RAD51B: variants seen among roughly 807,000 people sequenced by gnomAD.
The protein encoded by RAD51B is DNA repair protein RAD51 homolog 2.
In RAD51B, 38 loss-of-function variants were observed where a neutral mutation model predicts 42.2. The observed-to-expected ratio is 0.90, with a 90% CI of 0.70 to 1.18. The LOEUF is 1.18. RAD51B is among the 50% of genes most tolerant of loss of function. The probability of loss-of-function intolerance (pLI) is 0.00; values close to 1 mark genes in which losing one functional copy is unlikely to be tolerated. For synonymous variants in RAD51B, 154 were observed against 145.2 expected (o/e 1.06, Z -0.43); for missense variants, 373 against 400.7 (o/e 0.93, Z 0.59).
chr14:68,264,587 A>G (rs1464595620), intron 7 of RAD51B, among the ~76,000 whole-genome samples: 1 of 152,190 alleles, frequency 6.6e-6, no homozygotes, highest in Non-Finnish European at 1.5e-5. Context: ...TTAGTTTTTT[A>G]GAGGCTAGGA....
chr14:68,013,866 T>C (rs1022455416), intron 7 of RAD51B, among the ~76,000 whole-genome samples: 14 of 152,118 alleles, frequency 9.2e-5, no homozygotes, highest in Non-Finnish European at 1.6e-4. Context: ...TTCTTAGAAT[T>C]GGGATGTGAT....
chr14:68,548,516 G>A (rs967350701), intron 10 of RAD51B, among the ~76,000 whole-genome samples: 1 of 152,212 alleles, frequency 6.6e-6, no homozygotes, highest in Non-Finnish European at 1.5e-5. Context: ...AGCTGGTTCC[G>A]AGATGGCTCT....
chr14:68,434,503 A>G (rs1465003799), intron 9 of RAD51B, among the ~76,000 whole-genome samples: 4 of 152,202 alleles, frequency 2.6e-5, no homozygotes. Context: ...CTGTTGTGCT[A>G]GCAATGAGCG....
At chr14:68,023,116 A>G (rs566729918) in intron 7 of RAD51B, among the ~76,000 whole-genome samples, 13 of 152,190 alleles carry the variant, frequency 8.5e-5, no homozygotes, top group Non-Finnish European at 1.8e-4. Context: ...TGCAGTGAAC[A>G]TACATGTGCA....
At chr14:68,600,140 C>T (rs542786359), downstream of RAD51B, among the ~76,000 whole-genome samples, 1 of 152,310 alleles carries the variant, frequency 6.6e-6, no homozygotes, top group Admixed American at 6.5e-5. Flanking sequence ...CATTAAGCAG[C>T]GGCCCTCTGA....
intron 7 of RAD51B, among the ~76,000 whole-genome samples, chr14:68,016,752 C>T (rs1186249558): frequency 1.3e-5 from 2 of 152,088 alleles, no homozygotes; most frequent in African/African-American, 4.8e-5. Context: ...TTGGAAAAAG[C>T]ACAAAGATGT....
chr14:68,545,308 G>A (rs138870849), intron 10 of RAD51B, among the ~76,000 whole-genome samples: 1 of 152,252 alleles, frequency 6.6e-6, no homozygotes, highest in Admixed American at 6.5e-5. Context: ...CCACTTGGCA[G>A]TGGATATCTT....
chr14:67,878,155 A>G (rs2042788353), intron 5 of RAD51B, among the ~76,000 whole-genome samples: 1 of 152,230 alleles, frequency 6.6e-6, no homozygotes, highest in Non-Finnish European at 1.5e-5. Context: ...AAATTTTTGT[A>G]TAAACTGCCA....
At chr14:68,090,749 G>A (rs1410994494) in intron 7 of RAD51B, among the ~76,000 whole-genome samples, 4 of 150,568 alleles carry the variant, frequency 2.7e-5, no homozygotes, top group South Asian at 2.1e-4. Context: ...TGTGCACAAC[G>A]TGCAGGTTTG....
chr14:67,859,313 A>G (rs1367393738), intron 4 of RAD51B, among the ~76,000 whole-genome samples: 1 of 152,248 alleles, frequency 6.6e-6, no homozygotes, highest in African/African-American at 2.4e-5. Flanking sequence ...CAAAGAAACT[A>G]AATTGTGTGC....
At chr14:68,434,621 G>C (rs145781801) in intron 9 of RAD51B, among the ~76,000 whole-genome samples, 28 of 152,296 alleles carry the variant, frequency 1.8e-4, no homozygotes, top group African/African-American at 6.3e-4. Context: ...AGAGTGACCT[G>C]ATTTTCCAGG....
rs2256860 is a variant in RAD51B, at chr14:68,590,995, G to A, written c.1037-3490G>A. 5.3e-5 allele frequency among the ~76,000 whole-genome samples: 8 copies of A among 152,182 alleles called. No individual in the cohort carries two copies. In the South Asian group the frequency reaches 6.2e-4, roughly 12 times the overall value. On this transcript the variant is annotated intron_variant, in intron 10 of 10. Transcript: ENST00000487270. Reference sequence around the variant, plus strand: ...GCCATGGACCCCTCCCCTCCCCTCCGGTTCCTGCCCTGCCCAACCTCATTC... The same window carrying A: ...GCCATGGACCCCTCCCCTCCCCTCCAGTTCCTGCCCTGCCCAACCTCATTC...
At chr14:68,168,779 T>C (rs771682461) in intron 7 of RAD51B, among the ~76,000 whole-genome samples, 2 of 152,182 alleles carry the variant, frequency 1.3e-5, no homozygotes, top group African/African-American at 2.4e-5. Flanking sequence ...GTTAATTAAC[T>C]TAATAGAAAT....
At chr14:68,021,621 C>G (rs985640248) in intron 7 of RAD51B, among the ~76,000 whole-genome samples, 2 of 152,200 alleles carry the variant, frequency 1.3e-5, no homozygotes, top group African/African-American at 2.4e-5. Flanking sequence ...CAACTCCCTT[C>G]CACTTTACTC....
intron 7 of RAD51B, chr14:67,908,591 A>G (rs2043859824): frequency 6.6e-6 from 1 of 152,032 alleles, no homozygotes; most frequent in South Asian, 2.1e-4. Context: ...CCAGAGAGAC[A>G]TTTGTTTTTT....
intron 7 of RAD51B, among the ~76,000 whole-genome samples, chr14:68,222,613 A>G (rs1174216464): frequency 6.6e-6 from 1 of 152,112 alleles, no homozygotes; most frequent in Non-Finnish European, 1.5e-5. Flanking sequence ...AATTTCAGAA[A>G]TCACCACCAA....
At chr14:67,950,755 A>G (rs2074428561) in intron 7 of RAD51B, among the ~76,000 whole-genome samples, 1 of 152,148 alleles carries the variant, frequency 6.6e-6, no homozygotes, top group African/African-American at 2.4e-5. Context: ...GAGATGTGTG[A>G]CTGTTCCTCT....
chr14:68,367,576 C>T (rs1014877650), intron 8 of RAD51B, among the ~76,000 whole-genome samples: 4 of 152,158 alleles, frequency 2.6e-5, no homozygotes, highest in Non-Finnish European at 5.9e-5. Flanking sequence ...GGAGCCATTA[C>T]TTCTTAGGAG....
At chr14:68,216,321 G>C (rs1274894235) in intron 7 of RAD51B, among the ~76,000 whole-genome samples, 1 of 152,184 alleles carries the variant, frequency 6.6e-6, no homozygotes, top group Non-Finnish European at 1.5e-5. Flanking sequence ...AAATGAAAAA[G>C]GTCGTTAAGG....
Sources: gnomAD v4.1 joint callset for allele counts (sites outside exome capture counted in the v4.1 genomes callset) on GRCh38, gnomAD v4.1.1 for gene constraint, MANE v1.5 for transcripts, NCBI Gene and HGNC (gene_info 2026-07-23, HGNC 2026-07-21) for gene names.